LINGO2: variants seen among roughly 807,000 people sequenced by gnomAD.
LINGO2 encodes leucine-rich repeat and immunoglobulin-like domain-containing nogo receptor-interacting protein 2.
Under a neutral mutation model 30.6 loss-of-function variants are expected in LINGO2, and 14 were observed. The observed-to-expected ratio is 0.46, with a 90% confidence interval of 0.30 to 0.72. The LOEUF (loss-of-function observed/expected upper bound fraction) is 0.72, where lower values mean the gene tolerates loss of function less well. LINGO2 is among the 30% of genes least tolerant of loss of function. LINGO2 has a pLI of 0.07. For missense variants in LINGO2, 729 were observed against 751.7 expected (o/e 0.97, Z 0.35); for synonymous variants, 317 against 288.5 (o/e 1.10, Z -1.00).
intron 1 of LINGO2, among the ~76,000 whole-genome samples, chr9:28,582,241 G>C (rs1190974276): frequency 6.6e-6 from 1 of 151,960 alleles, no homozygotes; most frequent in Non-Finnish European, 1.5e-5. Flanking sequence ...TAGTTTGAGA[G>C]AAAATCAAAA....
chr9:28,496,962 T>C lies in LINGO2; in HGVS notation c.-364-20937A>G, dbSNP rs188195345. Among the ~76,000 whole-genome samples the C allele has an allele frequency of 2.8e-3, 427 of 152,314 alleles. 7 individuals are homozygous for C. The East Asian group carries it at 0.029, about 10-fold the overall frequency. On this transcript the variant is annotated intron_variant, in intron 1 of 5. Coordinates refer to ENST00000379992, the Ensembl canonical transcript of LINGO2. The stretch of plus-strand genomic sequence containing the variant: ...TGAAATTCTGGGTTGAAAATTCTTT[T>C]CTTTAAGAATGTTGAATATTGGCCG...
At chr9:28,238,518 G>A (rs187530792) in intron 4 of LINGO2, among the ~76,000 whole-genome samples, 1 of 152,202 alleles carries the variant, frequency 6.6e-6, no homozygotes, top group Admixed American at 6.5e-5. Flanking sequence ...TAAACACATG[G>A]AAATTAAACA....
chr9:29,144,660 T>G, the LINGO2 span, among the ~76,000 whole-genome samples: 1 of 152,132 alleles, frequency 6.6e-6, no homozygotes, highest in South Asian at 2.1e-4. Context: ...GACTCCTCTC[T>G]TCCTCATATC....
chr9:28,414,372 T>A (rs955321021), intron 2 of LINGO2, among the ~76,000 whole-genome samples: 11 of 152,072 alleles, frequency 7.2e-5, no homozygotes, highest in African/African-American at 2.7e-4. Flanking sequence ...TAAAATATAT[T>A]TTGTTAAATA....
chr9:28,830,490 G>A, the LINGO2 span, among the ~76,000 whole-genome samples: 1 of 152,126 alleles, frequency 6.6e-6, no homozygotes, highest in Admixed American at 6.6e-5. Flanking sequence ...AGACTGTTCT[G>A]TGAAGAGAAC....
chr9:27,989,904 G>A (rs1472778403), intron 5 of LINGO2, among the ~76,000 whole-genome samples: 4 of 152,076 alleles, frequency 2.6e-5, no homozygotes, highest in Non-Finnish European at 4.4e-5. Context: ...GTTGTTCTAT[G>A]TTCTTAACAA....
At chr9:28,009,906 A>G (rs896842097) in intron 5 of LINGO2, among the ~76,000 whole-genome samples, 1 of 152,228 alleles carries the variant, frequency 6.6e-6, no homozygotes, top group Non-Finnish European at 1.5e-5. Flanking sequence ...ATATCTATAC[A>G]AAAACTTGCA....
chr9:28,404,210 C>T (rs1405226073), intron 2 of LINGO2, among the ~76,000 whole-genome samples: 1 of 152,076 alleles, frequency 6.6e-6, no homozygotes, highest in Admixed American at 6.6e-5. Context: ...TTCTTTCTTT[C>T]AGCACATGCT....
chr9:28,103,521 A>G (rs1018256614), intron 4 of LINGO2, among the ~76,000 whole-genome samples: 1 of 152,128 alleles, frequency 6.6e-6, no homozygotes, highest in African/African-American at 2.4e-5. Context: ...TGAAAGACAC[A>G]TGGCCTACTT....
At chr9:28,625,480 G>A (rs1260711486) in intron 1 of LINGO2, among the ~76,000 whole-genome samples, 2 of 152,048 alleles carry the variant, frequency 1.3e-5, no homozygotes, top group Admixed American at 6.6e-5. Context: ...TGCTATGATG[G>A]TACTTTTTTG....
the LINGO2 span, among the ~76,000 whole-genome samples, chr9:28,962,391 G>C: frequency 2.0e-5 from 3 of 151,974 alleles, no homozygotes; most frequent in Non-Finnish European, 2.9e-5. Flanking sequence ...CTTTAGATTA[G>C]AAATTCATTA....
chr9:28,357,488 A>G (rs934731811), intron 3 of LINGO2, among the ~76,000 whole-genome samples: 2 of 152,070 alleles, frequency 1.3e-5, no homozygotes, highest in African/African-American at 4.8e-5. Flanking sequence ...TATGACAAAT[A>G]TTCACCCCAA....
At chr9:28,858,615 T>A in the LINGO2 span, among the ~76,000 whole-genome samples, 1 of 152,040 alleles carries the variant, frequency 6.6e-6, no homozygotes, top group African/African-American at 2.4e-5. Context: ...ATCAGATCAC[T>A]GGATCAGGAT....
intron 1 of LINGO2, among the ~76,000 whole-genome samples, chr9:28,578,259 G>A (rs1378790728): frequency 6.6e-6 from 1 of 152,040 alleles, no homozygotes; most frequent in African/African-American, 2.4e-5. Context: ...AATGGCTCTA[G>A]ACTGCTGCAT....
intron 1 of LINGO2, among the ~76,000 whole-genome samples, chr9:28,549,371 GTTGT>G (rs1395493125): frequency 1.3e-5 from 2 of 152,000 alleles, no homozygotes; most frequent in African/African-American, 4.8e-5. Context: ...GAATATTGAG[GTTGT>G]TTATTTCCTT....
the LINGO2 span, among the ~76,000 whole-genome samples, chr9:28,675,905 G>GTATATATA: frequency 6.2e-3 from 784 of 126,032 alleles, 17 homozygotes; most frequent in East Asian, 0.044. Context: ...GTGTGTGTAT[G>GTATATATA]TATATATATA....
the LINGO2 span, among the ~76,000 whole-genome samples, chr9:28,898,065 CTCTACCCT>C: frequency 6.6e-6 from 1 of 151,920 alleles, no homozygotes; most frequent in Admixed American, 6.6e-5. Flanking sequence ...AAGTAGTGAC[CTCTACCCT>C]TCAAAACCTG....
chr9:28,850,893 G>A, the LINGO2 span, among the ~76,000 whole-genome samples: 1 of 152,004 alleles, frequency 6.6e-6, no homozygotes, highest in African/African-American at 2.4e-5. Flanking sequence ...TGTAGCATGT[G>A]TCAGATACAG....
At chr9:28,372,686 C>T (rs1052971870) in intron 3 of LINGO2, 150 bp downstream of exon 5, 4 of 152,442 alleles carry the variant, frequency 2.6e-5, no homozygotes, top group Admixed American at 1.3e-4. Context: ...CTTCTCACCA[C>T]AAAAAATGTT....
Sources: allele counts gnomAD v4.1 joint callset (sites outside exome capture counted in the v4.1 genomes callset), GRCh38; gene constraint gnomAD v4.1.1; transcripts MANE v1.5; gene names NCBI Gene and HGNC (gene_info 2026-07-23, HGNC 2026-07-21).